The following GSPT1 variants were observed in gnomAD, a reference collection of about 807,000 sequenced individuals.
GSPT1 encodes G1 to S phase transition 1, also known as eukaryotic peptide chain release factor GTP-binding subunit ERF3A.
GSPT1 carries 20 observed loss-of-function variants against 72.5 expected under a neutral mutation model. That is an observed-to-expected ratio of 0.28 (90% CI 0.19 to 0.40). GSPT1 has a LOEUF of 0.40. GSPT1 is among the 10% of genes least tolerant of loss of function. The pLI, the probability that GSPT1 is intolerant of heterozygous loss-of-function variation, is 1.00. For synonymous variants in GSPT1, 334 were observed against 293.5 expected, an observed-to-expected ratio of 1.14 and a Z score of -1.41; for missense variants, 580 against 811.9, an observed-to-expected ratio of 0.71 and a Z score of 3.47.
rs372714939 is a variant in GSPT1 at position 11,913,919 on chromosome 16, T to G, written c.352+1450A>C. Among the ~76,000 whole-genome samples the G allele has an allele frequency of 7.2e-5, 11 of 152,350 alleles. No individual in the cohort carries two copies. In the East Asian group the frequency reaches 1.7e-3, roughly 24 times the overall value. The stretch of plus-strand genomic sequence containing the variant: ...GTCAACAAAACCACCAAATCAACCG[T>G]GCTGACGTACATACGTCATCAGAGT... On this transcript the variant is annotated intron_variant, in intron 1 of 14. Coordinates refer to ENST00000434724, the MANE Select transcript of GSPT1 (RefSeq NM_002094.4).
rs76754900 is a variant in GSPT1, at chr16:11,914,450, G to A, written c.352+919C>T. Among the ~76,000 whole-genome samples, 124 of 152,292 alleles carry A rather than the reference G, an allele frequency of 8.1e-4. 1 individual carries two copies. The East Asian group carries it at 0.021, about 26-fold the overall frequency. ...ACCAAAGTTAACTCGAAATTTTATG[G>A]ATTAGAAAATGTATGTCTACTAGCT... On this transcript the variant is annotated intron_variant, in intron 1 of 14. Transcript: ENST00000434724.
Position 11,873,095 on chromosome 16 carries a change from T to C in GSPT1, c.*24A>G. 2 of 1,469,790 alleles carry C rather than the reference T, an allele frequency of 1.4e-6. No homozygotes were observed. The highest frequency in any genetic ancestry group is 1.9e-6 in the Non-Finnish European group (2 of 1,052,168). 91.0% of individuals were successfully genotyped at this position (1,469,790 alleles called of 1,614,324 possible). A position where few individuals can be genotyped will look rare whatever the true frequency, so the allele number is the denominator to read the frequency against. ...CTGCAGTCAATTTTCCTCACAGTATTGTGCAGGGTCATCAAGAAAATGCTT... is the reference window on the plus strand; with the variant it reads ...CTGCAGTCAATTTTCCTCACAGTATCGTGCAGGGTCATCAAGAAAATGCTT... On this transcript the variant is annotated 3_prime_UTR_variant, in exon 15 of 15. Coordinates refer to ENST00000434724, the MANE Select transcript of GSPT1 (RefSeq NM_002094.4).
Position 11,897,883 on chromosome 16 carries a change from T to G in GSPT1, c.395-2A>C, listed in dbSNP as rs771079695. On this transcript the variant is annotated splice_acceptor_variant, in intron 2 of 14. Transcript: ENST00000434724. LOFTEE classifies it high-confidence loss of function. ...CCATGCTAACAGCTGAATTTGAACC[T>G]AGACAAGAGATTGAAATATAATATA... The G allele has an allele frequency of 1.3e-6, 2 of 1,539,316 alleles. No homozygotes were observed. Among genetic ancestry groups the G allele is most frequent in the Admixed American group, 3.8e-5 (2 of 52,968 alleles).
intron 11 of GSPT1, chr16:11,881,420 A>T (rs978673447): frequency 3.9e-5 from 6 of 152,114 alleles, no homozygotes; most frequent in Non-Finnish European, 7.4e-5. Flanking sequence ...ATGTTTAGAG[A>T]ATCATACTTT....
intron 11 of GSPT1, among the ~76,000 whole-genome samples, chr16:11,878,981 C>T (rs1326876273): frequency 1.3e-5 from 2 of 151,296 alleles, no homozygotes; most frequent in Non-Finnish European, 2.9e-5. Context: ...GAGGCTTGGG[C>T]AGGAGAATCG....
At chr16:11,911,913 T>C (rs1158920183) in intron 1 of GSPT1, among the ~76,000 whole-genome samples, 6 of 138,016 alleles carry the variant, frequency 4.3e-5, no homozygotes, top group Non-Finnish European at 6.1e-5. Flanking sequence ...CTCACTATGT[T>C]TTATGGAGGC....
chr16:11,907,674 C>G (rs1314671598), intron 1 of GSPT1, among the ~76,000 whole-genome samples: 1 of 152,188 alleles, frequency 6.6e-6, no homozygotes, highest in African/African-American at 2.4e-5. Context: ...AGCAAATCTG[C>G]ATTCTAGACT....
At chr16:11,905,154 C>T (rs553682065) in intron 1 of GSPT1, among the ~76,000 whole-genome samples, 2 of 152,256 alleles carry the variant, frequency 1.3e-5, no homozygotes, top group South Asian at 2.1e-4. Flanking sequence ...AATACAACTT[C>T]GGATCTGTCA....
At chr16:11,903,740 C>T (rs1038884802) in intron 1 of GSPT1, among the ~76,000 whole-genome samples, 1 of 152,200 alleles carries the variant, frequency 6.6e-6, no homozygotes, top group African/African-American at 2.4e-5. Flanking sequence ...GGTTGTACAA[C>T]ACAGTGTGAA....
At chr16:11,889,223 G>C (rs2054223059) in intron 6 of GSPT1, among the ~76,000 whole-genome samples, 2 of 151,892 alleles carry the variant, frequency 1.3e-5, no homozygotes, top group African/African-American at 2.4e-5. Flanking sequence ...CAGGAGAATG[G>C]TGTGAACCCA....
intron 5 of GSPT1, among the ~76,000 whole-genome samples, chr16:11,892,512 A>AAAAAAAAATAAT (rs1340674034): frequency 7.6e-6 from 1 of 131,762 alleles, no homozygotes; most frequent in African/African-American, 3.1e-5. Context: ...TTCTCAAAAA[A>AAAAAAAAATAAT]ACAAAAAAAA....
At chr16:11,874,939 C>A (rs1049578381) in intron 14 of GSPT1, among the ~76,000 whole-genome samples, 1 of 152,312 alleles carries the variant, frequency 6.6e-6, no homozygotes, top group Non-Finnish European at 1.5e-5. Context: ...CGCCTGTAAT[C>A]CCAGCACTTT....
rs2053988010 is a variant in GSPT1, at chr16:11,872,361, C to T, written c.*758G>A. 1 of 146,784 alleles carries T rather than the reference C, an allele frequency of 6.8e-6. No individual in the cohort carries two copies. Among genetic ancestry groups the T allele is most frequent in the Non-Finnish European group, 1.5e-5 (1 of 67,132 alleles). The allele number at this position is 146,784 out of a possible 1,614,324, so 9.1% of individuals were successfully genotyped here. A position where few individuals can be genotyped will look rare whatever the true frequency, so the allele number is the denominator to read the frequency against. On this transcript the variant is annotated 3_prime_UTR_variant, in exon 15 of 15. Coordinates refer to ENST00000434724, the MANE Select transcript of GSPT1 (RefSeq NM_002094.4). Reference sequence around the variant, plus strand: ...AAACAACTTACTGTGTTCAAGAAATCATGTTACAATATAAATTGGCAAAAA... The same window carrying T: ...AAACAACTTACTGTGTTCAAGAAATTATGTTACAATATAAATTGGCAAAAA...
intron 5 of GSPT1, among the ~76,000 whole-genome samples, chr16:11,892,520 A>AT (rs754487009): frequency 0.017 from 2,306 of 138,970 alleles, 206 homozygotes; most frequent in East Asian, 0.12. Flanking sequence ...AAAACAAAAA[A>AT]AACAAAAAAA....
At position 11,876,083 on chromosome 16, in the gene GSPT1, C is replaced by T; in HGVS notation, c.1692+3G>A. ...AGAAATAAACCAATTATCTTAAACT[C>T]ACTGTTATTTCCACCTCCTCAATAC... is the stretch of plus-strand genomic sequence containing the variant. On this transcript the variant is annotated splice_donor_region_variant and intron_variant, in intron 13 of 14. Coordinates refer to ENST00000434724, the MANE Select transcript of GSPT1 (RefSeq NM_002094.4). 2.5e-6 allele frequency: 4 copies of T among 1,573,982 alleles called. No individual in the cohort carries two copies. Among genetic ancestry groups the T allele is most frequent in the Non-Finnish European group, 3.5e-6 (4 of 1,143,704 alleles).
At chr16:11,888,564 C>T (rs568453938) in intron 6 of GSPT1, among the ~76,000 whole-genome samples, 2 of 151,874 alleles carry the variant, frequency 1.3e-5, no homozygotes, top group Admixed American at 6.5e-5. Flanking sequence ...GAGATTGAGA[C>T]CATCCTGGCC....
At position 11,875,875 on chromosome 16, in the gene GSPT1, G is replaced by A; in HGVS notation, c.1747C>T (p.Arg583Cys). The A allele has an allele frequency of 6.2e-7, 1 of 1,613,618 alleles. No individual in the cohort carries two copies. Among genetic ancestry groups the A allele is most frequent in the Non-Finnish European group, 8.5e-7 (1 of 1,179,760 alleles). ...CATACTTGATCTTGTTTGACAAAACGGGGTCGGGTCTTACTTTTTTCTCCT... is the reference window on the plus strand; with the variant it reads ...CATACTTGATCTTGTTTGACAAAACAGGGTCGGGTCTTACTTTTTTCTCCT... ...KSGEKSKTRP[R>C]FVKQDQVCIA... Residue 583 changes from arginine to cysteine, a missense_variant, in exon 14 of 15, where the codon CGT becomes TGT. Around this residue, in one of 6 missense-constraint regions of GSPT1, gnomAD observed 120 missense variants for 242.5 expected, o/e 0.49. Coordinates refer to ENST00000434724, the MANE Select transcript of GSPT1 (RefSeq NM_002094.4).
intron 10 of GSPT1, among the ~76,000 whole-genome samples, chr16:11,884,170 AT>A (rs751856322): frequency 1.3e-5 from 2 of 152,070 alleles, no homozygotes; most frequent in Admixed American, 6.6e-5. Context: ...AAGGAAGTTT[AT>A]TTTTTTTAAG....
At position 11,908,640 on chromosome 16, in the gene GSPT1, G is replaced by A. The variant is rs563552134; in HGVS notation, c.352+6729C>T. On this transcript the variant is annotated intron_variant, in intron 1 of 14. Transcript: ENST00000434724. ...CCGGGCGTAGTGGCGGGCGCCTGTA[G>A]TCCCAGCTACTTGGGAGACTGAGGC... Among the ~76,000 whole-genome samples, 3 of 104,360 alleles carry A rather than the reference G, an allele frequency of 2.9e-5. 1 individual carries two copies. Among genetic ancestry groups the A allele is most frequent in the African/African-American group, 1.0e-4 (2 of 20,070 alleles). The allele number at this position is 104,360 out of a possible 152,430, so 68.5% of individuals were successfully genotyped here. A position where few individuals can be genotyped will look rare whatever the true frequency, so the allele number is the denominator to read the frequency against.
Sources: allele counts gnomAD v4.1 joint callset (sites outside exome capture counted in the v4.1 genomes callset), GRCh38; gene constraint gnomAD v4.1.1; regional missense constraint gnomAD v4.1.1; transcripts MANE v1.5; gene names NCBI Gene and HGNC (gene_info 2026-07-23, HGNC 2026-07-21).